Variants in PCCB observed in about 807,000 individuals in gnomAD.
PCCB encodes propionyl-CoA carboxylase beta chain, mitochondrial.
In PCCB, 43 loss-of-function variants were observed where a neutral mutation model predicts 60.7. The observed-to-expected ratio is 0.71, with a 90% CI of 0.55 to 0.91. The LOEUF (loss-of-function observed/expected upper bound fraction) is 0.91. PCCB is among the 40% of genes least tolerant of loss of function. The pLI is 0.00. For synonymous variants in PCCB, 276 were observed against 255.9 expected (o/e 1.08, Z -0.75); for missense variants, 766 against 702.8 (o/e 1.09, Z -1.02).
intron 5 of PCCB, among the ~76,000 whole-genome samples, chr3:136,271,758 G>A (rs1942208499): frequency 6.6e-6 from 1 of 152,074 alleles, no homozygotes; most frequent in African/African-American, 2.4e-5. Flanking sequence ...GAGTCTTTTG[G>A]ATGAGTCGCT....
intron 6 of PCCB, among the ~76,000 whole-genome samples, chr3:136,289,494 C>G (rs1933574896): frequency 6.6e-6 from 1 of 152,130 alleles, no homozygotes; most frequent in South Asian, 2.1e-4. Flanking sequence ...TAATATCTTT[C>G]TGCATTCATT....
At chr3:136,291,416 T>C (rs1006387773) in intron 6 of PCCB, among the ~76,000 whole-genome samples, 1 of 152,236 alleles carries the variant, frequency 6.6e-6, no homozygotes, top group Non-Finnish European at 1.5e-5. Flanking sequence ...TCCTGATAGC[T>C]GGACATGATA....
chr3:136,328,327 G>A (rs1018956443), intron 13 of PCCB, among the ~76,000 whole-genome samples: 22 of 152,102 alleles, frequency 1.4e-4, no homozygotes, highest in Admixed American at 1.2e-3. Context: ...CAGTCTGGTC[G>A]CCTCTGGCCA....
At chr3:136,303,396 G>A in intron 9 of PCCB, among the ~76,000 whole-genome samples, 1 of 122,252 alleles carries the variant, frequency 8.2e-6, no homozygotes, top group African/African-American at 2.5e-5. Context: ...AGATGATCAT[G>A]TGATTTTCTT....
At chr3:136,255,431 C>G in intron 1 of PCCB, 2 of 276,480 alleles carry the variant, frequency 7.2e-6, no homozygotes, top group Non-Finnish European at 7.1e-6. Flanking sequence ...AGGTGTGCTT[C>G]TGTAGGTCTC....
At chr3:136,316,597 T>C (rs948582077) in intron 9 of PCCB, among the ~76,000 whole-genome samples, 2 of 152,138 alleles carry the variant, frequency 1.3e-5, no homozygotes, top group Admixed American at 1.3e-4. Context: ...ATTACAGGAG[T>C]GAGCCACTGG....
intron 1 of PCCB, among the ~76,000 whole-genome samples, chr3:136,252,662 ATTTTT>A (rs962722858): frequency 8.3e-6 from 1 of 120,904 alleles, no homozygotes; most frequent in African/African-American, 3.2e-5. Flanking sequence ...TACCCAGCTA[ATTTTT>A]TTTTTTTTTT....
At chr3:136,271,655 A>G (rs1942205813) in intron 5 of PCCB, among the ~76,000 whole-genome samples, 1 of 152,044 alleles carries the variant, frequency 6.6e-6, no homozygotes, top group African/African-American at 2.4e-5. Context: ...TTTGATTGTC[A>G]CTTTGGTTAT....
chr3:136,299,290 G>A (rs1052711945), intron 8 of PCCB, among the ~76,000 whole-genome samples: 37 of 151,864 alleles, frequency 2.4e-4, no homozygotes, highest in African/African-American at 7.0e-4. Flanking sequence ...GCATATGTAC[G>A]TATATGCATA....
intron 10 of PCCB, among the ~76,000 whole-genome samples, chr3:136,323,538 C>A (rs1935181814): frequency 6.6e-6 from 1 of 152,144 alleles, no homozygotes; most frequent in Non-Finnish European, 1.5e-5. Flanking sequence ...AATCCCAGCA[C>A]TTTGAGAGGC....
rs1261607454 is a variant in PCCB at position 136,304,325 on chromosome 3, T to A, written c.966+3214T>A. Among the ~76,000 whole-genome samples, 2 of 120,206 alleles carry A rather than the reference T, an allele frequency of 1.7e-5. 1 individual carries two copies. Among genetic ancestry groups the A allele is most frequent in the Non-Finnish European group, 3.7e-5 (2 of 54,164 alleles). 78.9% of individuals were successfully genotyped at this position (120,206 alleles called of 152,430 possible). A position where few individuals can be genotyped will look rare whatever the true frequency, so the allele number is the denominator to read the frequency against. ...GCATGCCACCACATCTGGCTAATTTTAAAATTTTTTGTAGAGATGGCAACT... is the reference window on the plus strand; with the variant it reads ...GCATGCCACCACATCTGGCTAATTTAAAAATTTTTTGTAGAGATGGCAACT... On this transcript the variant is annotated intron_variant, in intron 9 of 14. Coordinates refer to ENST00000251654, the MANE Select transcript of PCCB (RefSeq NM_000532.5).
intron 3 of PCCB, among the ~76,000 whole-genome samples, chr3:136,258,633 G>A (rs953654485): frequency 2.0e-5 from 3 of 152,078 alleles, no homozygotes; most frequent in Admixed American, 6.6e-5. Context: ...AAAAAAAGGG[G>A]CCAGCACTCA....
intron 10 of PCCB, among the ~76,000 whole-genome samples, chr3:136,320,938 TATA>T (rs994043264): frequency 1.3e-5 from 2 of 152,348 alleles, no homozygotes; most frequent in South Asian, 2.1e-4. Context: ...TTCATTATTG[TATA>T]ATGTTAGCTG....
chr3:136,282,999 A>G (rs1942520494), intron 5 of PCCB, among the ~76,000 whole-genome samples: 1 of 152,096 alleles, frequency 6.6e-6, no homozygotes, highest in Non-Finnish European at 1.5e-5. Context: ...TGAACTCTTC[A>G]CTCTGCCACA....
At chr3:136,320,024 G>A (rs1935055306) in intron 10 of PCCB, among the ~76,000 whole-genome samples, 1 of 152,168 alleles carries the variant, frequency 6.6e-6, no homozygotes, top group Non-Finnish European at 1.5e-5. Context: ...GTATGAATTT[G>A]TTTCTGTATT....
intron 1 of PCCB, among the ~76,000 whole-genome samples, chr3:136,254,485 G>A (rs1941610016): frequency 7.0e-6 from 1 of 143,370 alleles, no homozygotes; most frequent in Non-Finnish European, 1.5e-5. Flanking sequence ...CTCCCAAAGT[G>A]CTGGGATTAC....
chr3:136,285,716 A>G (rs964143868), intron 6 of PCCB, among the ~76,000 whole-genome samples: 1 of 152,118 alleles, frequency 6.6e-6, no homozygotes, highest in African/African-American at 2.4e-5. Context: ...GGCAATTTAC[A>G]TGATTCCATT....
intron 5 of PCCB, among the ~76,000 whole-genome samples, chr3:136,266,856 T>G (rs1006006839): frequency 5.1e-4 from 77 of 152,270 alleles, no homozygotes; most frequent in Non-Finnish European, 3.2e-4. Context: ...GGCTTGTCTT[T>G]TCTTTCTTAG....
At chr3:136,291,787 C>G (rs1933704056) in intron 6 of PCCB, among the ~76,000 whole-genome samples, 1 of 152,100 alleles carries the variant, frequency 6.6e-6, no homozygotes, top group Non-Finnish European at 1.5e-5. Flanking sequence ...TCAGAAGGGT[C>G]TTTTTTTCCC....
Sources: allele counts gnomAD v4.1 joint callset (sites outside exome capture counted in the v4.1 genomes callset), GRCh38; gene constraint gnomAD v4.1.1; transcripts MANE v1.5; gene names NCBI Gene and HGNC (gene_info 2026-07-23, HGNC 2026-07-21).